Variants in BMP1 observed in about 807,000 individuals in gnomAD.
BMP1 encodes the protein bone morphogenetic protein 1, also known as mammalian tolloid protein.
Under a neutral mutation model 116.8 loss-of-function variants are expected in BMP1, and 63 were observed. The observed-to-expected ratio is 0.54, with a 90% CI of 0.44 to 0.67. The LOEUF (loss-of-function observed/expected upper bound fraction) is 0.67, where lower values mean the gene tolerates loss of function less well. BMP1 is among the 30% of genes least tolerant of loss of function. BMP1 has a pLI of 0.00. For missense variants in BMP1, 1,183 were observed against 1,358.9 expected, an observed-to-expected ratio of 0.87 and a Z score of 2.04; for synonymous variants, 536 against 533.4, an observed-to-expected ratio of 1.00 and a Z score of -0.07.
intron 9 of BMP1, among the ~76,000 whole-genome samples, chr8:22,193,703 G>A (rs996117158): frequency 5.3e-5 from 8 of 152,236 alleles, no homozygotes; most frequent in Admixed American, 6.5e-5. Flanking sequence ...AGAATTGCTT[G>A]AACCCAGGAG....
At chr8:22,205,942 T>C (rs1336243267) in intron 16 of BMP1, among the ~76,000 whole-genome samples, 1 of 151,944 alleles carries the variant, frequency 6.6e-6, no homozygotes. Flanking sequence ...CCGTCTTGGG[T>C]GGACCGTTAT....
intron 9 of BMP1, among the ~76,000 whole-genome samples, chr8:22,192,697 G>T (rs537388798): frequency 6.6e-6 from 1 of 152,326 alleles, no homozygotes; most frequent in East Asian, 1.9e-4. Flanking sequence ...AGGGTAGGGG[G>T]CAGGAGGTGA....
At chr8:22,183,773 T>A (rs1378970489) in intron 8 of BMP1, among the ~76,000 whole-genome samples, 4 of 152,032 alleles carry the variant, frequency 2.6e-5, no homozygotes, top group Admixed American at 6.6e-5. Flanking sequence ...GACGGGTTTC[T>A]CCATGTTGGT....
At chr8:22,201,365 C>G (rs568057864) in intron 15 of BMP1, 1 of 1,475,324 alleles carries the variant, frequency 6.8e-7, no homozygotes, top group African/African-American at 1.4e-5. Context: ...CCACTGTGCC[C>G]GTCCGCGGAC....
rs767778995 is a variant in BMP1 at position 22,165,561 on chromosome 8, C to G, written c.148+8C>G. 1 of 1,568,854 alleles carries G rather than the reference C, an allele frequency of 6.4e-7. No homozygotes were observed. Among genetic ancestry groups the G allele is most frequent in the African/African-American group, 1.4e-5 (1 of 71,228 alleles). On this transcript the variant is annotated splice_region_variant and intron_variant, in intron 1 of 19. Transcript: ENST00000306385. ...AAGACCCCTGCAAGGCGGGTGAGCG[C>G]CCCCCGGCCCCCCGGCGACGGGCCA...
intron 8 of BMP1, among the ~76,000 whole-genome samples, chr8:22,189,938 C>G (rs984349550): frequency 6.6e-6 from 1 of 151,844 alleles, no homozygotes; most frequent in African/African-American, 2.4e-5. Context: ...ATATTTTTTT[C>G]GAGACAGAGT....
intron 8 of BMP1, among the ~76,000 whole-genome samples, chr8:22,187,418 G>A (rs746656714): frequency 1.1e-4 from 17 of 150,572 alleles, no homozygotes; most frequent in Admixed American, 5.3e-4. Context: ...TGCAAGCTCC[G>A]CCTCCCGGGT....
rs61685354 is a variant in BMP1 at position 22,201,137 on chromosome 8, G to T, written c.2108-666G>T. 4.4e-6 allele frequency: 7 copies of T among 1,601,684 alleles called. No homozygotes were observed. Among genetic ancestry groups the T allele is most frequent in the South Asian group, 2.2e-5 (2 of 90,822 alleles). The stretch of plus-strand genomic sequence containing the variant: ...TTTCAGAAAAGAGGCCAGCTCTGCA[G>T]CCCCCTCGGGGACGCCCCCACCAGC... On this transcript the variant is annotated intron_variant, in intron 15 of 19. Coordinates refer to ENST00000306385, the MANE Select transcript of BMP1 (RefSeq NM_006129.5).
rs773383208 is a variant in BMP1 at position 22,165,560 on chromosome 8, GC to G, written c.148+13del. 24 of 1,570,114 alleles carry G rather than the reference GC, an allele frequency of 1.5e-5. No homozygotes were observed. Among genetic ancestry groups the G allele is most frequent in the South Asian group, 1.2e-4 (10 of 86,070 alleles). On this transcript the variant is annotated splice_region_variant and intron_variant, in intron 1 of 19. Coordinates refer to ENST00000306385, the MANE Select transcript of BMP1 (RefSeq NM_006129.5). ...AAAGACCCCTGCAAGGCGGGTGAGC[GC>G]CCCCCGGCCCCCCGGCGACGGGCCA... is the stretch of plus-strand genomic sequence containing the variant.
intron 2 of BMP1, among the ~76,000 whole-genome samples, chr8:22,174,489 C>T (rs965851735): frequency 2.0e-5 from 3 of 152,112 alleles, no homozygotes; most frequent in Non-Finnish European, 2.9e-5. Context: ...CTGTTCTTTC[C>T]AGTCCCTTAC....
At chr8:22,204,726 C>G (rs951838254) in intron 16 of BMP1, among the ~76,000 whole-genome samples, 5 of 139,816 alleles carry the variant, frequency 3.6e-5, no homozygotes, top group African/African-American at 1.3e-4. Context: ...CTGTCCCCCC[C>G]CACCCCGCCC....
At chr8:22,199,144 C>T (rs1460369202) in intron 15 of BMP1, 10 of 1,367,584 alleles carry the variant, frequency 7.3e-6, no homozygotes, top group Non-Finnish European at 9.8e-6. Flanking sequence ...CACACACGCC[C>T]ACACGCACAC....
intron 18 of BMP1, among the ~76,000 whole-genome samples, chr8:22,208,118 A>T (rs778694095): frequency 1.2e-4 from 19 of 152,152 alleles, no homozygotes; most frequent in Non-Finnish European, 1.8e-4. Flanking sequence ...TCCTGACCTC[A>T]GGTGATCCGC....
intron 6 of BMP1, among the ~76,000 whole-genome samples, chr8:22,178,190 G>A (rs916294299): frequency 3.9e-5 from 6 of 152,260 alleles, no homozygotes; most frequent in East Asian, 1.9e-4. Flanking sequence ...GGCACCTGGC[G>A]GAGGAGGCTG....
chr8:22,173,630 C>A lies in BMP1; in HGVS notation c.177C>A (p.Asp59Glu), dbSNP rs765667672. Residue 59 changes from aspartate to glutamate, a missense_variant, in exon 2 of 20, where the codon GAC becomes GAA. Asp to Glu is a conservative substitution (Grantham distance 45). Around this residue, in one of 4 missense-constraint regions of BMP1, gnomAD observed 185 missense variants for 158.9 expected, o/e 1.16. Coordinates refer to ENST00000306385, the MANE Select transcript of BMP1 (RefSeq NM_006129.5). ...AAAFLGDIAL[D>E]EEDLRAFQVQ... ...CCTTTCTTGGGGACATTGCCCTGGA[C>A]GAAGAGGACCTGAGGGCCTTCCAGG... The A allele has an allele frequency of 1.2e-6, 2 of 1,613,256 alleles. No individual in the cohort carries two copies. The highest frequency in any genetic ancestry group is 1.7e-6 in the Non-Finnish European group (2 of 1,179,612).
intron 7 of BMP1, among the ~76,000 whole-genome samples, chr8:22,180,072 A>G (rs1828569428): frequency 1.3e-5 from 2 of 152,098 alleles, no homozygotes; most frequent in Admixed American, 6.5e-5. Flanking sequence ...AGTGGGGAGA[A>G]CAGCAATCCT....
At chr8:22,182,469 G>A (rs763748935) in intron 8 of BMP1, among the ~76,000 whole-genome samples, 19 of 152,344 alleles carry the variant, frequency 1.2e-4, no homozygotes, top group Non-Finnish European at 2.4e-4. Context: ...TGACCGGGAT[G>A]TACGCTCCTT....
chr8:22,176,310 A>C lies in BMP1; in HGVS notation c.430A>C (p.Thr144Pro), dbSNP rs1206381427. ...VIPFVIGGNF[T>P]GSQRAVFRQA... The stretch of plus-strand genomic sequence containing the variant: ...CCCCTTTGTCATTGGGGGAAACTTC[A>C]CTGGTGAGCGTGCTATTGTGGGTCC... Residue 144 changes from threonine (T) to proline (P), a missense_variant, in exon 3 of 20, where the codon ACT (threonine) becomes CCT (proline). Physicochemically the swap from Thr to Pro is conservative, Grantham distance 38 (BLOSUM62 -1). Around this residue, in one of 4 missense-constraint regions of BMP1, gnomAD observed 40 missense variants for 47.5 expected, o/e 0.84. Coordinates refer to ENST00000306385, the MANE Select transcript of BMP1 (RefSeq NM_006129.5). 6.3e-7 allele frequency: 1 copy of C among 1,594,242 alleles called. No individual in the cohort carries two copies. Among genetic ancestry groups the C allele is most frequent in the Admixed American group, 1.7e-5 (1 of 58,148 alleles).
intron 5 of BMP1, chr8:22,177,595 C>T (rs1436270942): frequency 4.0e-6 from 3 of 751,936 alleles, no homozygotes; most frequent in Non-Finnish European, 7.3e-6. Flanking sequence ...TGCTCCTTCT[C>T]AGCTGTGGCT....
Sources: gnomAD v4.1 joint callset for allele counts (sites outside exome capture counted in the v4.1 genomes callset) on GRCh38, gnomAD v4.1.1 for gene constraint, gnomAD v4.1.1 regional missense constraint, MANE v1.5 for transcripts, NCBI Gene and HGNC (gene_info 2026-07-23, HGNC 2026-07-21) for gene names.